The following RP9 variants were observed in gnomAD, a reference collection of about 807,000 sequenced individuals.
RP9 encodes retinitis pigmentosa 9 protein.
Under a neutral mutation model 32.6 loss-of-function variants are expected in RP9, and 23 were observed. The ratio of observed to expected loss-of-function variants is 0.71; its 90% CI spans 0.51 to 1.00. The LOEUF is 1.00. Among genes scored for constraint, RP9 ranks in the 50% least tolerant of loss-of-function variants. The pLI, the probability that RP9 is intolerant of heterozygous loss-of-function variation, is 0.00. For missense variants in RP9, 245 were observed against 285.3 expected (o/e 0.86, Z 1.02); for synonymous variants, 94 against 103.6 (o/e 0.91, Z 0.56).
At chr7:33,107,833 G>C (rs138555756) in intron 1 of RP9, among the ~76,000 whole-genome samples, 176 of 152,298 alleles carry the variant, frequency 1.2e-3, no homozygotes, top group Non-Finnish European at 1.8e-3. Context: ...CCCATAACCA[G>C]AATAGGTCCA....
intron 3 of RP9, chr7:33,099,095 G>A: frequency 1.6e-6 from 1 of 624,234 alleles, no homozygotes; most frequent in Non-Finnish European, 2.8e-6. Context: ...TGTGGTGAGA[G>A]CTTTCTTCCT....
Position 33,099,381 on chromosome 7 carries a change from G to C in RP9, c.239C>G (p.Ala80Gly). The C allele has an allele frequency of 6.2e-7, 1 of 1,613,474 alleles. No individual in the cohort carries two copies. The highest frequency in any genetic ancestry group is 8.5e-7 in the Non-Finnish European group (1 of 1,179,918). The change falls in exon 3 of 6, where the codon GCC (alanine) becomes GGC (glycine). Residue 80 changes from alanine to glycine, a missense_variant. By Grantham distance (60) the Ala-to-Gly change is moderately conservative. Transcript: ENST00000297157. The stretch of plus-strand genomic sequence containing the variant: ...TGGTGCATGAGCCAGAAATTCCCTG[G>C]CGTGTTCATTGCCTGGTACATCTGG... ...CIPDVPGNEH[A>G]REFLAHAPTK...
At position 33,099,349 on chromosome 7, in the gene RP9, CT is replaced by C; in HGVS notation, c.270del (p.Gly91AspfsTer40). ...TCTTTCCCCAGTGGCATCCAAAGTC[CT>C]TTAGTTGGTGCATGAGCCAGAAATT... is the stretch of plus-strand genomic sequence containing the variant. ...AREFLAHAPT[K>X]GLWMPLGKEV... On this transcript the variant is annotated frameshift_variant, in exon 3 of 6. Transcript: ENST00000297157. LOFTEE classifies it high-confidence loss of function. The C allele has an allele frequency of 6.2e-7, 1 of 1,613,660 alleles. No homozygotes were observed. Among genetic ancestry groups the C allele is most frequent in the Non-Finnish European group, 8.5e-7 (1 of 1,179,958 alleles).
In RP9 at chr7:33,094,834, AAC is replaced by A; in HGVS notation, c.*398_*399del. On this transcript the variant is annotated 3_prime_UTR_variant, in exon 6 of 6. Transcript: ENST00000297157. ...ATAATGAGCTTTTATTATTCTCAAC[AAC>A]AGAGAAGACTCCAGCCTGATGTCTA... The A allele has an allele frequency of 4.5e-6, 1 of 221,302 alleles. No individual in the cohort carries two copies. Among genetic ancestry groups the A allele is most frequent in the Admixed American group, 5.1e-5 (1 of 19,718 alleles). The allele number at this position is 221,302 out of a possible 1,614,324, so 13.7% of individuals were successfully genotyped here. A position where few individuals can be genotyped will look rare whatever the true frequency, so the allele number is the denominator to read the frequency against.
At chr7:33,108,561 A>C (rs571951707) in intron 1 of RP9, among the ~76,000 whole-genome samples, 3 of 152,346 alleles carry the variant, frequency 2.0e-5, no homozygotes, top group Admixed American at 1.3e-4. Context: ...TACACCTATA[A>C]AGGAAATTTT....
chr7:33,096,658 TG>T, intron 4 of RP9, 104 bp from the exon 5 acceptor site: 2 of 823,438 alleles, frequency 2.4e-6, no homozygotes, highest in Non-Finnish European at 4.3e-6. Context: ...TTTTTTTTAC[TG>T]TTTGATGTAG....
In RP9 at chr7:33,100,526, C is replaced by T. The variant is rs746958575; in HGVS notation, c.183+5G>A. On this transcript the variant is annotated splice_donor_5th_base_variant and intron_variant, in intron 2 of 5. Transcript: ENST00000297157. ...AATAACCAAGAGTACAAACTTCACACTAACCTTGATAAGCCCAGGAGGAGG... is the reference window on the plus strand; with the variant it reads ...AATAACCAAGAGTACAAACTTCACATTAACCTTGATAAGCCCAGGAGGAGG... 5.0e-6 allele frequency: 8 copies of T among 1,612,710 alleles called. No homozygotes were observed. The highest frequency in any genetic ancestry group is 1.7e-5 in the Admixed American group (1 of 60,012).
At chr7:33,106,828 C>T (rs978323859) in intron 1 of RP9, among the ~76,000 whole-genome samples, 1 of 151,788 alleles carries the variant, frequency 6.6e-6, no homozygotes, top group African/African-American at 2.4e-5. Context: ...CCTGTAGTCC[C>T]AGGTACTTGG....
intron 4 of RP9, among the ~76,000 whole-genome samples, chr7:33,096,964 T>A (rs1366873964): frequency 6.6e-6 from 1 of 152,248 alleles, no homozygotes. Flanking sequence ...TCATGAAACA[T>A]GACTTTTTTA....
chr7:33,103,439 T>G (rs1039160417), intron 1 of RP9, among the ~76,000 whole-genome samples: 4 of 152,208 alleles, frequency 2.6e-5, no homozygotes, highest in Admixed American at 2.6e-4. Flanking sequence ...CATGAAGCTA[T>G]CTGATCAACA....
At chr7:33,097,766 C>T (rs1472659762) in intron 3 of RP9, among the ~76,000 whole-genome samples, 4 of 151,904 alleles carry the variant, frequency 2.6e-5, no homozygotes, top group African/African-American at 7.3e-5. Flanking sequence ...ATTACAGGTG[C>T]GTACCACCAC....
intron 3 of RP9, 38 bp from the exon 4 acceptor site, chr7:33,097,400 G>A: frequency 7.2e-7 from 1 of 1,396,436 alleles, no homozygotes; most frequent in Non-Finnish European, 1.0e-6. Flanking sequence ...TAAGATAACA[G>A]TTTCACCTAC....
chr7:33,101,006 T>TCAG, intron 1 of RP9: 1 of 305,666 alleles, frequency 3.3e-6, no homozygotes. Context: ...TTTAGGGAAG[T>TCAG]ATTTTTTTTT....
intron 3 of RP9, among the ~76,000 whole-genome samples, chr7:33,097,724 A>C (rs910073241): frequency 6.6e-6 from 1 of 151,860 alleles, no homozygotes; most frequent in Non-Finnish European, 1.5e-5. Context: ...GGTTCAAGAT[A>C]TTCTTCTATT....
At chr7:33,100,638 T>C (rs1387502039) in intron 1 of RP9, 77 bp from the exon 2 acceptor site, 8 of 1,170,140 alleles carry the variant, frequency 6.8e-6, no homozygotes, top group Non-Finnish European at 1.0e-5. Flanking sequence ...AAAAAGGGGC[T>C]ATAGGATTTT....
Position 33,099,373 on chromosome 7 carries a change from A to AT in RP9, c.246dup (p.Phe83IlefsTer8). The AT allele has an allele frequency of 6.2e-7, 1 of 1,613,546 alleles. No homozygotes were observed. The highest frequency in any genetic ancestry group is 8.5e-7 in the Non-Finnish European group (1 of 1,179,938). On this transcript the variant is annotated frameshift_variant, in exon 3 of 6. Coordinates refer to ENST00000297157, the MANE Select transcript of RP9 (RefSeq NM_203288.2). LOFTEE classifies it high-confidence loss of function. ...CCTTTAGTTGGTGCATGAGCCAGAA[A>AT]TTCCCTGGCGTGTTCATTGCCTGGT...
rs775870239 is a variant in RP9, at chr7:33,109,339, C to T, written c.34G>A (p.Ala12Thr). The T allele has an allele frequency of 1.4e-3, 1,955 of 1,447,760 alleles. 5 individuals are homozygous for T. The highest frequency in any genetic ancestry group is 2.2e-3 in the Middle Eastern group (9 of 4,052). 89.7% of individuals were successfully genotyped at this position (1,447,760 alleles called of 1,614,324 possible). The part of the protein sequence containing the change: ...SSRPGREDVG[A>T]AGARRPREPP... The stretch of plus-strand genomic sequence containing the variant: ...TCACGCGGCCGCCGCGCGCCCGCAG[C>T]CCCCACGTCCTCGCGCCCAGGCCGG... Residue 12 changes from alanine (A) to threonine (T), a missense_variant, in exon 1 of 6, where the codon GCT becomes ACT. Transcript: ENST00000297157. This position sits in a 1 kb window ranked among gnomAD's most constrained non-coding sequence, Gnocchi z 4.9.
chr7:33,096,696 C>T (rs1292128507), intron 4 of RP9, 142 bp from the exon 5 acceptor site: 5 of 715,340 alleles, frequency 7.0e-6, no homozygotes, highest in Middle Eastern at 2.8e-4. Flanking sequence ...TTCTAGGTCA[C>T]ATCACTGAAA....
chr7:33,095,145 GTC>G lies in RP9; in HGVS notation c.*87_*88del, dbSNP rs1222497473. The stretch of plus-strand genomic sequence containing the variant: ...GACCCACATATACTCCTCTCTCGGC[GTC>G]TCTATCCTGCTGCTTTCTCTGACTG... On this transcript the variant is annotated 3_prime_UTR_variant, in exon 6 of 6. Coordinates refer to ENST00000297157, the MANE Select transcript of RP9 (RefSeq NM_203288.2). 6.5e-7 allele frequency: 1 copy of G among 1,527,432 alleles called. No homozygotes were observed. The highest frequency in any genetic ancestry group is 1.4e-5 in the African/African-American group (1 of 72,954). 94.6% of individuals were successfully genotyped at this position (1,527,432 alleles called of 1,614,324 possible).
Sources: allele counts gnomAD v4.1 joint callset (sites outside exome capture counted in the v4.1 genomes callset), GRCh38; gene constraint gnomAD v4.1.1; non-coding constraint Gnocchi (gnomAD v3.1); transcripts MANE v1.5; gene names NCBI Gene and HGNC (gene_info 2026-07-23, HGNC 2026-07-21).